PRKG1: variants seen among roughly 807,000 people sequenced by gnomAD.
The protein encoded by PRKG1 is cGMP-dependent protein kinase 1.
Under a neutral mutation model 88.1 loss-of-function variants are expected in PRKG1, and 35 were observed. The observed-to-expected ratio is 0.40, with a 90% CI of 0.30 to 0.53. The LOEUF (loss-of-function observed/expected upper bound fraction) is 0.53, where lower values mean the gene tolerates loss of function less well. PRKG1 is among the 20% of genes least tolerant of loss of function. The probability of loss-of-function intolerance (pLI) is 0.59; values close to 1 mark genes in which losing one functional copy is unlikely to be tolerated. For missense variants in PRKG1, 540 were observed against 839.8 expected (o/e 0.64, Z 4.41); for synonymous variants, 303 against 292.5 (o/e 1.04, Z -0.37).
At chr10:51,246,692 A>G (rs901730465) in intron 2 of PRKG1, among the ~76,000 whole-genome samples, 1 of 152,084 alleles carries the variant, frequency 6.6e-6, no homozygotes, top group African/African-American at 2.4e-5. Flanking sequence ...AAATATTTCC[A>G]ACAATGAAAC....
chr10:51,143,182 T>A (rs1259100433), intron 1 of PRKG1, among the ~76,000 whole-genome samples: 1 of 152,112 alleles, frequency 6.6e-6, no homozygotes, highest in African/African-American at 2.4e-5. Flanking sequence ...CCTCCCTAGT[T>A]CTATGAGATC....
At chr10:52,010,711 A>G (rs1417621255) in intron 5 of PRKG1, among the ~76,000 whole-genome samples, 1 of 152,218 alleles carries the variant, frequency 6.6e-6, no homozygotes, top group Non-Finnish European at 1.5e-5. Context: ...CACTTGTGAC[A>G]TTGGTTAAAA....
intron 7 of PRKG1, among the ~76,000 whole-genome samples, chr10:52,124,144 CTTAA>C (rs747060632): frequency 3.9e-5 from 6 of 152,106 alleles, no homozygotes; most frequent in Non-Finnish European, 8.8e-5. Flanking sequence ...CAGAGTAAGA[CTTAA>C]TTAAGCTACT....
intron 3 of PRKG1, among the ~76,000 whole-genome samples, chr10:51,564,696 G>A (rs28461842): frequency 0.21 from 32,066 of 151,978 alleles, 4,808 homozygotes; most frequent in African/African-American, 0.43. Context: ...CAGGTAATAG[G>A]ATTGAATTTG....
At chr10:51,933,906 T>C (rs1363845508) in intron 5 of PRKG1, among the ~76,000 whole-genome samples, 1 of 152,060 alleles carries the variant, frequency 6.6e-6, no homozygotes, top group Non-Finnish European at 1.5e-5. Flanking sequence ...AACACAAACA[T>C]GAATAACACT....
chr10:52,026,731 C>G (rs1420463458), intron 5 of PRKG1, among the ~76,000 whole-genome samples: 1 of 152,198 alleles, frequency 6.6e-6, no homozygotes, highest in Non-Finnish European at 1.5e-5. Context: ...AATCCCAACA[C>G]TTTGGGAGGC....
chr10:51,701,377 A>G (rs1841461237), intron 3 of PRKG1, among the ~76,000 whole-genome samples: 1 of 152,218 alleles, frequency 6.6e-6, no homozygotes, highest in Non-Finnish European at 1.5e-5. Flanking sequence ...TTAGCTGCAA[A>G]TAAGACATCC....
At chr10:51,573,132 G>C (rs72795192) in intron 3 of PRKG1, among the ~76,000 whole-genome samples, 7,098 of 151,826 alleles carry the variant, frequency 0.047, 239 homozygotes, top group South Asian at 0.12. Flanking sequence ...CTAATATTTT[G>C]ATTGAAATGA....
intron 5 of PRKG1, among the ~76,000 whole-genome samples, chr10:52,013,324 C>A (rs1168997536): frequency 2.0e-5 from 3 of 151,514 alleles, no homozygotes; most frequent in Non-Finnish European, 4.4e-5. Flanking sequence ...GAGGCTGCGG[C>A]AGGAGAATGG....
intron 3 of PRKG1, among the ~76,000 whole-genome samples, chr10:51,557,698 G>A (rs1358079267): frequency 6.6e-6 from 1 of 151,996 alleles, no homozygotes; most frequent in Admixed American, 6.6e-5. Flanking sequence ...GTAAACTTTA[G>A]TTTTCATCTC....
intron 2 of PRKG1, among the ~76,000 whole-genome samples, chr10:51,460,040 A>G (rs1296536221): frequency 6.6e-6 from 1 of 152,090 alleles, no homozygotes; most frequent in Non-Finnish European, 1.5e-5. Context: ...CAACTCTGGC[A>G]CTACTGACAC....
intron 5 of PRKG1, among the ~76,000 whole-genome samples, chr10:51,990,213 A>G (rs952729275): frequency 6.6e-6 from 1 of 152,114 alleles, no homozygotes; most frequent in African/African-American, 2.4e-5. Context: ...TGCCAGAACC[A>G]TGCATTTTTG....
Position 52,220,886 on chromosome 10 carries a change from A to G in PRKG1, c.1077-30684A>G, listed in dbSNP as rs975651048. Among the ~76,000 whole-genome samples the G allele has an allele frequency of 2.6e-5, 4 of 152,094 alleles. No individual in the cohort carries two copies. In the South Asian group the frequency reaches 8.3e-4, roughly 32 times the overall value. ...AGTGCTGCAATGAACATCTGTATAC[A>G]TGTGTCTTTATAATACAATGATTTA... is the stretch of plus-strand genomic sequence containing the variant. On this transcript the variant is annotated intron_variant, in intron 9 of 17. Transcript: ENST00000373980.
chr10:51,098,530 G>T (rs574218611), intron 1 of PRKG1, among the ~76,000 whole-genome samples: 4 of 152,090 alleles, frequency 2.6e-5, no homozygotes, highest in Non-Finnish European at 5.9e-5. Context: ...TGAATATGGC[G>T]GAAGGATGAA....
intron 9 of PRKG1, among the ~76,000 whole-genome samples, chr10:52,224,591 C>A (rs1380137795): frequency 1.8e-4 from 4 of 21,924 alleles, no homozygotes; most frequent in Non-Finnish European, 2.5e-4. Flanking sequence ...CTATCCTTCG[C>A]CCCACCTCCG....
At chr10:50,993,343 TG>T (rs1011728553) in intron 1 of PRKG1, among the ~76,000 whole-genome samples, 2 of 152,212 alleles carry the variant, frequency 1.3e-5, no homozygotes, top group Admixed American at 1.3e-4. Context: ...ATTAACACTG[TG>T]TACATGGCAC....
chr10:51,174,193 A>G (rs1386904898), intron 2 of PRKG1, among the ~76,000 whole-genome samples: 3 of 151,912 alleles, frequency 2.0e-5, no homozygotes, highest in African/African-American at 7.2e-5. Context: ...CACTATAAGA[A>G]TATATATTTT....
At chr10:51,829,792 G>A (rs1314958256) in intron 4 of PRKG1, among the ~76,000 whole-genome samples, 1 of 152,106 alleles carries the variant, frequency 6.6e-6, no homozygotes, top group Non-Finnish European at 1.5e-5. Flanking sequence ...TTTTTAGTCT[G>A]TTTGGAATTT....
At chr10:51,626,639 C>A (rs1839344035) in intron 3 of PRKG1, among the ~76,000 whole-genome samples, 1 of 152,076 alleles carries the variant, frequency 6.6e-6, no homozygotes, top group East Asian at 1.9e-4. Flanking sequence ...TAGCAACAAT[C>A]CATCATCTTT....
Sources: allele counts gnomAD v4.1 joint callset (sites outside exome capture counted in the v4.1 genomes callset), GRCh38; gene constraint gnomAD v4.1.1; transcripts MANE v1.5; gene names NCBI Gene and HGNC (gene_info 2026-07-23, HGNC 2026-07-21).